ARHGAP8: variants seen among roughly 807,000 people sequenced by gnomAD.
ARHGAP8 encodes the protein Rho GTPase activating protein 8.
A neutral mutation model predicts 46.1 loss-of-function variants in ARHGAP8; 62 were observed. That is an observed-to-expected ratio of 1.34 (90% CI 1.10 to 1.66). The LOEUF is 1.66. Ranked by LOEUF, ARHGAP8 falls within the 40% of genes most tolerant of loss-of-function variation. ARHGAP8 has a pLI of 0.00. For synonymous variants in ARHGAP8, 375 were observed against 243.1 expected (o/e 1.54, Z -5.05); for missense variants, 923 against 568.4 (o/e 1.62, Z -6.34).
At chr22:44,811,889 C>T (rs1041732977) in intron 4 of ARHGAP8, among the ~76,000 whole-genome samples, 4 of 151,480 alleles carry the variant, frequency 2.6e-5, no homozygotes, top group Non-Finnish European at 5.9e-5. Flanking sequence ...CTCTGCTACT[C>T]GGGAGGCTGA....
intron 7 of ARHGAP8, among the ~76,000 whole-genome samples, chr22:44,844,388 A>G (rs760482158): frequency 6.6e-6 from 1 of 152,262 alleles, no homozygotes; most frequent in Non-Finnish European, 1.5e-5. Flanking sequence ...AAACCTAGCC[A>G]TATTGATAAT....
rs751564737 is a variant in ARHGAP8, at chr22:44,862,402, C to T, written c.1109C>T (p.Thr370Ile). 7 of 1,614,176 alleles carry T rather than the reference C, an allele frequency of 4.3e-6. No individual in the cohort carries two copies. In the East Asian group the frequency reaches 1.3e-4, roughly 31 times the overall value. Reference protein sequence around the residue: ...LSALVPLNMFTELLIEYYEKI... With the variant: ...LSALVPLNMFIELLIEYYEKI... ...GCCCTTGTGCCCCTGAACATGTTCA[C>T]TGAACTGCTGATCGAGTACTATGAA... is the stretch of plus-strand genomic sequence containing the variant. Residue 370 changes from threonine to isoleucine, a missense_variant, in exon 12 of 12, where the codon ACT becomes ATT. Thr to Ile is a moderately conservative substitution (Grantham distance 89). Coordinates refer to ENST00000356099, the MANE Select transcript of ARHGAP8 (RefSeq NM_181335.3).
chr22:44,800,153 G>C lies in ARHGAP8; in HGVS notation c.80-1924G>C, dbSNP rs1000040038. Among the ~76,000 whole-genome samples, 12 of 125,080 alleles carry C rather than the reference G, an allele frequency of 9.6e-5. 1 individual carries two copies. The highest frequency in any genetic ancestry group is 1.6e-4 in the Admixed American group (2 of 12,552). The allele number at this position is 125,080 out of a possible 152,430, so 82.1% of individuals were successfully genotyped here. ...AATTCTTGCTCTGTTGTCCATGCTG[G>C]AGTGCAATGATGCAATCTTGGCTCG... On this transcript the variant is annotated intron_variant, in intron 2 of 11. Transcript: ENST00000356099.
intron 10 of ARHGAP8, chr22:44,850,963 C>CA (rs71188492): frequency 0.39 from 40,654 of 104,442 alleles, 8,175 homozygotes; most frequent in Middle Eastern, 0.47. Context: ...GACTCCATCT[C>CA]AAAAAAAAAA....
At position 44,802,676 on chromosome 22, in the gene ARHGAP8, C is replaced by T. The variant is rs1048009219; in HGVS notation, c.167+512C>T. On this transcript the variant is annotated intron_variant, in intron 3 of 11. Coordinates refer to ENST00000356099, the MANE Select transcript of ARHGAP8 (RefSeq NM_181335.3). Reference sequence around the variant, plus strand: ...AGGGCACCAGTCCCCAAGGTCAAGGCAGCGGCAGGGCTACACTCCCCCTGG... The same window carrying T: ...AGGGCACCAGTCCCCAAGGTCAAGGTAGCGGCAGGGCTACACTCCCCCTGG... Among the ~76,000 whole-genome samples the T allele has an allele frequency of 9.9e-5, 15 of 152,272 alleles. No individual in the cohort carries two copies. The South Asian group carries it at 2.5e-3, about 25-fold the overall frequency.
chr22:44,766,544 C>T (rs762119983), intron 1 of ARHGAP8, among the ~76,000 whole-genome samples: 3 of 151,848 alleles, frequency 2.0e-5, no homozygotes, highest in Non-Finnish European at 2.9e-5. Context: ...GCATGTGTGT[C>T]TGCATGTGGG....
chr22:44,767,984 C>CTTTTTTTTTTTTTTTTTT lies in ARHGAP8; in HGVS notation c.-72+15371_-72+15388dup, dbSNP rs1167255172. The stretch of plus-strand genomic sequence containing the variant: ...GTCAGATTTCCTCCCCGCATGATGT[C>CTTTTTTTTTTTTTTTTTT]TTTTTTTTTTTTTTTTTTTTTTTTT... On this transcript the variant is annotated intron_variant, in intron 1 of 11. Transcript: ENST00000356099. Among the ~76,000 whole-genome samples the CTTTTTTTTTTTTTTTTTT allele has an allele frequency of 9.9e-4, 47 of 47,252 alleles. 17 individuals carry two copies. The highest frequency in any genetic ancestry group is 2.5e-3 in the East Asian group (3 of 1,182). The allele number at this position is 47,252 out of a possible 152,430, so 31.0% of individuals were successfully genotyped here.
intron 1 of ARHGAP8, among the ~76,000 whole-genome samples, chr22:44,783,510 C>T (rs1316200422): frequency 2.0e-5 from 3 of 152,126 alleles, no homozygotes; most frequent in Non-Finnish European, 4.4e-5. Context: ...GGACATCCAG[C>T]CGCTCTGTCA....
At chr22:44,808,179 A>T in intron 3 of ARHGAP8, 128 bp from the exon 4 acceptor site, 1 of 1,428,620 alleles carries the variant, frequency 7.0e-7, no homozygotes, top group Non-Finnish European at 9.4e-7. Context: ...CCCACGGTGC[A>T]TGGAGTCTCC....
chr22:44,825,657 T>G, intron 7 of ARHGAP8, 64 bp downstream of exon 7: 1 of 1,523,692 alleles, frequency 6.6e-7, no homozygotes, highest in Non-Finnish European at 8.9e-7. Context: ...GGGGCGCTTC[T>G]GGGTCCAGAA....
chr22:44,859,734 T>C lies in ARHGAP8; in HGVS notation c.881T>C (p.Val294Ala). Residue 294 changes from valine (V) to alanine (A), a missense_variant, in exon 11 of 12, where the codon GTG becomes GCG. Coordinates refer to ENST00000356099, the MANE Select transcript of ARHGAP8 (RefSeq NM_181335.3). ...AGGGAGCCCCATGCCCTTCCAGGTG[T>C]GGAGAGCAGCCTGCGTGTCACTGGC... is the stretch of plus-strand genomic sequence containing the variant. ...AYEQILGITC[V>A]ESSLRVTGCR... 6.2e-7 allele frequency: 1 copy of C among 1,613,598 alleles called. No homozygotes were observed. Among genetic ancestry groups the C allele is most frequent in the Non-Finnish European group, 8.5e-7 (1 of 1,180,018 alleles).
At chr22:44,845,108 C>T (rs1338154383) in intron 7 of ARHGAP8, among the ~76,000 whole-genome samples, 161 bp from the exon 8 acceptor site, 1 of 152,190 alleles carries the variant, frequency 6.6e-6, no homozygotes, top group Non-Finnish European at 1.5e-5. Context: ...ATTTGGTCTT[C>T]AGACTTTCTA....
At chr22:44,810,453 G>A (rs1929254105) in intron 4 of ARHGAP8, among the ~76,000 whole-genome samples, 4 of 152,222 alleles carry the variant, frequency 2.6e-5, no homozygotes, top group Admixed American at 2.0e-4. Context: ...TGTTGGCCAG[G>A]CTGGTCTTGA....
intron 10 of ARHGAP8, among the ~76,000 whole-genome samples, chr22:44,853,312 A>C (rs1402906424): frequency 6.6e-6 from 1 of 152,214 alleles, no homozygotes. Context: ...TCCGTACATC[A>C]TCTGCTGTGA....
chr22:44,791,182 ATGT>A (rs66826896), intron 2 of ARHGAP8, among the ~76,000 whole-genome samples: 62,890 of 151,426 alleles, frequency 0.42, 13,273 homozygotes, highest in East Asian at 0.51. Flanking sequence ...CCTGGGAGGG[ATGT>A]TGTTGTGGGA....
chr22:44,846,165 G>A (rs530346431), intron 8 of ARHGAP8, among the ~76,000 whole-genome samples: 6 of 152,330 alleles, frequency 3.9e-5, no homozygotes, highest in South Asian at 2.1e-4. Context: ...CGTGGGCCCC[G>A]AGACCCCGCC....
chr22:44,841,071 CCCCA>C (rs1335793930), intron 7 of ARHGAP8, among the ~76,000 whole-genome samples: 1 of 152,124 alleles, frequency 6.6e-6, no homozygotes, highest in Non-Finnish European at 1.5e-5. Flanking sequence ...CATTTATTGG[CCCCA>C]TAGAGAGCAA....
intron 10 of ARHGAP8, among the ~76,000 whole-genome samples, chr22:44,854,548 T>A (rs5766111): frequency 0.09 from 13,739 of 152,092 alleles, 990 homozygotes; most frequent in East Asian, 0.39. Context: ...TATGCATTTT[T>A]AACCCTACTT....
intron 7 of ARHGAP8, among the ~76,000 whole-genome samples, chr22:44,826,194 A>G (rs1240878476): frequency 3.9e-5 from 6 of 152,052 alleles, no homozygotes; most frequent in African/African-American, 1.4e-4. Context: ...TGGGTCCGGT[A>G]GAGACGGCAC....
Sources: allele counts gnomAD v4.1 joint callset (sites outside exome capture counted in the v4.1 genomes callset), GRCh38; gene constraint gnomAD v4.1.1; transcripts MANE v1.5; gene names NCBI Gene and HGNC (gene_info 2026-07-23, HGNC 2026-07-21).